ERCC6L2: variants seen among roughly 807,000 people sequenced by gnomAD.
The protein encoded by ERCC6L2 is ERCC excision repair 6 like 2, also known as DNA excision repair protein ERCC-6-like 2.
ERCC6L2 carries 77 observed loss-of-function variants against 132.0 expected under a neutral mutation model. That is an observed-to-expected ratio of 0.58 (90% CI 0.49 to 0.71). The LOEUF (loss-of-function observed/expected upper bound fraction) is 0.71. Ranked by LOEUF, ERCC6L2 falls within the 30% of genes least tolerant of loss-of-function variation. ERCC6L2 has a pLI of 0.00. For synonymous variants in ERCC6L2, 583 were observed against 632.4 expected, an observed-to-expected ratio of 0.92 and a Z score of 1.17; for missense variants, 1,542 against 1,837.6, an observed-to-expected ratio of 0.84 and a Z score of 2.94.
intron 12 of ERCC6L2, among the ~76,000 whole-genome samples, chr9:95,955,333 T>C (rs1295693057): frequency 6.6e-6 from 1 of 152,212 alleles, no homozygotes; most frequent in Non-Finnish European, 1.5e-5. Flanking sequence ...TTTAACAGTT[T>C]TAATAAAGTA....
Position 95,970,149 on chromosome 9 carries a change from A to G in ERCC6L2, c.2101-427A>G, listed in dbSNP as rs539140501. 2.9e-4 allele frequency among the ~76,000 whole-genome samples: 44 copies of G among 152,290 alleles called. No homozygotes were observed. The Middle Eastern group carries it at 0.01, about 35-fold the overall frequency. On this transcript the variant is annotated intron_variant, in intron 14 of 18. Transcript: ENST00000653738. The stretch of plus-strand genomic sequence containing the variant: ...TATGAACAATAAATATAGTAACAAT[A>G]TAGGCTAGAATATCAAGTTCCCAAT...
chr9:96,034,151 C>T (rs974765405), intron 19 of ERCC6L2, among the ~76,000 whole-genome samples: 2 of 152,224 alleles, frequency 1.3e-5, no homozygotes, highest in Admixed American at 1.3e-4. Flanking sequence ...CTCTGTGCTC[C>T]CATCTCAGTG....
intron 18 of ERCC6L2, 105 bp from the exon 19 acceptor site, chr9:96,012,120 C>G (rs1410899078): frequency 1.3e-6 from 1 of 752,800 alleles, no homozygotes; most frequent in Non-Finnish European, 1.8e-6. Flanking sequence ...GCTAAAGGAA[C>G]AAGATTACCT....
chr9:95,916,138 A>G, intron 5 of ERCC6L2, 89 bp from the exon 6 acceptor site: 1 of 1,192,554 alleles, frequency 8.4e-7, no homozygotes, highest in Non-Finnish European at 1.2e-6. Flanking sequence ...ACCGTTGATA[A>G]TCAAGTAATG....
chr9:95,906,499 TATATGGAA>T (rs1159413073), intron 3 of ERCC6L2: 1 of 354,012 alleles, frequency 2.8e-6, no homozygotes, highest in Non-Finnish European at 5.5e-6. Flanking sequence ...GAGGGCAAAA[TATATGGAA>T]ATGAATATAG....
At chr9:95,936,314 C>T (rs1830551514) in intron 11 of ERCC6L2, among the ~76,000 whole-genome samples, 1 of 152,106 alleles carries the variant, frequency 6.6e-6, no homozygotes, top group Admixed American at 6.5e-5. Flanking sequence ...TTAGATGTAG[C>T]TCATTATAAA....
intron 3 of ERCC6L2, among the ~76,000 whole-genome samples, chr9:95,898,388 C>G (rs1210076708): frequency 6.6e-6 from 1 of 152,058 alleles, no homozygotes; most frequent in Non-Finnish European, 1.5e-5. Flanking sequence ...TGACTTATTT[C>G]AAGTTGCCTA....
chr9:95,891,689 A>G (rs689871), intron 2 of ERCC6L2, among the ~76,000 whole-genome samples: 89,618 of 151,604 alleles, frequency 0.59, 26,717 homozygotes, highest in East Asian at 0.79. Flanking sequence ...CTATGCCTCC[A>G]CATCATTGCC....
chr9:95,924,499 C>T (rs1053362823), intron 9 of ERCC6L2, among the ~76,000 whole-genome samples: 3 of 151,786 alleles, frequency 2.0e-5, no homozygotes, highest in South Asian at 4.2e-4. Context: ...ATAAAAAGTC[C>T]GGTTTAGAAC....
At chr9:95,907,838 C>CACACACACACACACACACACACACAA (rs1341366957) in intron 4 of ERCC6L2, among the ~76,000 whole-genome samples, 13 of 117,574 alleles carry the variant, frequency 1.1e-4, no homozygotes, top group African/African-American at 4.1e-4. Flanking sequence ...CACACACACA[C>CACACACACACACACACACACACACAA]ACACACACAC....
intron 17 of ERCC6L2, among the ~76,000 whole-genome samples, chr9:95,991,877 A>C (rs186133229): frequency 5.3e-5 from 8 of 152,370 alleles, no homozygotes; most frequent in African/African-American, 1.9e-4. Flanking sequence ...AATTTTAACA[A>C]TATAAAAATT....
At chr9:95,908,306 T>C (rs1476188424) in intron 4 of ERCC6L2, among the ~76,000 whole-genome samples, 1 of 151,942 alleles carries the variant, frequency 6.6e-6, no homozygotes, top group East Asian at 1.9e-4. Context: ...CTGGGTCCAG[T>C]ATGACTGGTA....
intron 13 of ERCC6L2, among the ~76,000 whole-genome samples, chr9:95,966,304 T>G (rs965501086): frequency 2.0e-5 from 3 of 152,220 alleles, no homozygotes; most frequent in African/African-American, 7.2e-5. Flanking sequence ...GGATATTCTA[T>G]AGAGATGTAA....
At chr9:95,998,258 G>A (rs1314010304) in intron 17 of ERCC6L2, among the ~76,000 whole-genome samples, 3 of 152,164 alleles carry the variant, frequency 2.0e-5, no homozygotes, top group East Asian at 1.9e-4. Context: ...TTGGAGGGTC[G>A]GTGGACCCAG....
At chr9:96,030,056 A>G (rs893417054) in intron 19 of ERCC6L2, among the ~76,000 whole-genome samples, 1 of 152,208 alleles carries the variant, frequency 6.6e-6, no homozygotes, top group Non-Finnish European at 1.5e-5. Flanking sequence ...GGGGACTTGG[A>G]GAACTTTTCT....
intron 12 of ERCC6L2, among the ~76,000 whole-genome samples, chr9:95,952,244 C>A (rs1831371759): frequency 6.7e-6 from 1 of 148,864 alleles, no homozygotes; most frequent in South Asian, 2.1e-4. Context: ...GAAACACATT[C>A]CAATTAATTC....
At chr9:95,925,312 C>T (rs556722931) in intron 9 of ERCC6L2, among the ~76,000 whole-genome samples, 63 of 152,236 alleles carry the variant, frequency 4.1e-4, no homozygotes, top group African/African-American at 1.5e-3. Context: ...CGCAGAGCCA[C>T]TTACTGTGGA....
intron 17 of ERCC6L2, among the ~76,000 whole-genome samples, chr9:95,999,831 G>A (rs571298731): frequency 5.2e-4 from 79 of 151,556 alleles, no homozygotes; most frequent in African/African-American, 1.9e-3. Context: ...GTAAATAAAT[G>A]CATCAAATCT....
At chr9:95,961,262 TAAG>T (rs766942365) in intron 13 of ERCC6L2, among the ~76,000 whole-genome samples, 31 of 151,942 alleles carry the variant, frequency 2.0e-4, no homozygotes, top group Non-Finnish European at 3.7e-4. Context: ...TGATACCTTA[TAAG>T]AAGGGGGAAA....
Sources: gnomAD v4.1 joint callset for allele counts (sites outside exome capture counted in the v4.1 genomes callset) on GRCh38, gnomAD v4.1.1 for gene constraint, MANE v1.5 for transcripts, NCBI Gene and HGNC (gene_info 2026-07-23, HGNC 2026-07-21) for gene names.